Variants in HEMGN observed in about 807,000 individuals in gnomAD.
The protein encoded by HEMGN is hemogen, also known as erythroid differentiation-associated gene protein.
Under a neutral mutation model 45.7 loss-of-function variants are expected in HEMGN, and 32 were observed. The ratio of observed to expected loss-of-function variants is 0.70; its 90% CI spans 0.53 to 0.94. The LOEUF (loss-of-function observed/expected upper bound fraction) is 0.94, where lower values mean the gene tolerates loss of function less well. Ranked by LOEUF, HEMGN falls within the 40% of genes least tolerant of loss-of-function variation. The pLI is 0.00. For synonymous variants in HEMGN, 183 were observed against 178.6 expected, an observed-to-expected ratio of 1.02 and a Z score of -0.20; for missense variants, 530 against 564.2, an observed-to-expected ratio of 0.94 and a Z score of 0.61.
upstream of HEMGN, among the ~76,000 whole-genome samples, chr9:97,942,040 A>G (rs1327948825): frequency 5.9e-5 from 9 of 152,226 alleles, no homozygotes; most frequent in Admixed American, 5.9e-4. Context: ...TTCTCCTTCA[A>G]AAATTGCTAA....
In HEMGN at chr9:97,927,572, A is replaced by G. The variant is rs942828208; in HGVS notation, c.1361-94T>C. 22 of 751,794 alleles carry G rather than the reference A, an allele frequency of 2.9e-5. No individual in the cohort carries two copies. In the African/African-American group the frequency reaches 3.4e-4, roughly 11 times the overall value. 46.6% of individuals were successfully genotyped at this position (751,794 alleles called of 1,614,324 possible). On this transcript the variant is annotated intron_variant, in intron 3 of 3. Transcript: ENST00000616898. ...AGGAAGAAAAACTGCTTTACAACAT[A>G]CACAACAACAAACCGTAGATGGGGT...
intron 2 of HEMGN, among the ~76,000 whole-genome samples, chr9:97,934,584 T>C (rs1384697151): frequency 6.6e-6 from 1 of 151,936 alleles, no homozygotes; most frequent in Non-Finnish European, 1.5e-5. Context: ...GGGAGCTAAT[T>C]GGATAATCTT....
At chr9:97,940,257 C>A (rs1827132202), upstream of HEMGN, among the ~76,000 whole-genome samples, 1 of 152,078 alleles carries the variant, frequency 6.6e-6, no homozygotes, top group Non-Finnish European at 1.5e-5. Context: ...GCCCTGTAGG[C>A]TCATAGAGGA....
rs369622151 is a variant in HEMGN at position 97,930,311 on chromosome 9, C to G, written c.1084G>C (p.Gly362Arg). The G allele has an allele frequency of 5.4e-5, 87 of 1,613,720 alleles. No homozygotes were observed. The highest frequency in any genetic ancestry group is 7.1e-5 in the Non-Finnish European group (84 of 1,179,970). Residue 362 changes from glycine (G) to arginine (R), a missense_variant, in exon 3 of 4, where the codon GGG becomes CGG. Coordinates refer to ENST00000616898, the MANE Select transcript of HEMGN (RefSeq NM_197978.3). ...YSIEINQETP[G>R]SEKYSPETYQ... ...GTTTCAGGTGAATATTTTTCAGACC[C>G]AGGAGTTTCTTGGTTTATTTCAATT...
At chr9:97,940,878 T>G (rs1034719297), upstream of HEMGN, among the ~76,000 whole-genome samples, 2 of 152,076 alleles carry the variant, frequency 1.3e-5, no homozygotes, top group African/African-American at 4.8e-5. Flanking sequence ...GGACAGTAAT[T>G]TATACACTCA....
chr9:97,934,299 AT>A (rs1194935528), intron 2 of HEMGN, among the ~76,000 whole-genome samples: 1 of 151,884 alleles, frequency 6.6e-6, no homozygotes, highest in African/African-American at 2.4e-5. Context: ...GTGAGCCGAG[AT>A]TGTGCCACTG....
chr9:97,933,461 C>T (rs1826994904), intron 2 of HEMGN, among the ~76,000 whole-genome samples: 1 of 152,172 alleles, frequency 6.6e-6, no homozygotes, highest in African/African-American at 2.4e-5. Flanking sequence ...GATAATCAAG[C>T]CATATACATT....
intron 3 of HEMGN, among the ~76,000 whole-genome samples, 189 bp downstream of exon 3, chr9:97,929,846 A>T (rs934705117): frequency 6.6e-6 from 1 of 152,314 alleles, no homozygotes; most frequent in East Asian, 1.9e-4. Context: ...TGCATTTTCA[A>T]TTTTTTTAAC....
chr9:97,943,094 C>T (rs1297297570), upstream of HEMGN, among the ~76,000 whole-genome samples: 1 of 152,132 alleles, frequency 6.6e-6, no homozygotes, highest in Non-Finnish European at 1.5e-5. Context: ...TCAGTTTCTT[C>T]CCTTGTAAAA....
At chr9:97,933,054 G>C in intron 2 of HEMGN, among the ~76,000 whole-genome samples, 1 of 152,074 alleles carries the variant, frequency 6.6e-6, no homozygotes, top group East Asian at 1.9e-4. Context: ...TGTCTTCCCA[G>C]GTAGTTTTTC....
intron 1 of HEMGN, among the ~76,000 whole-genome samples, chr9:97,937,224 T>G (rs955275354): frequency 6.6e-6 from 1 of 152,152 alleles, no homozygotes; most frequent in Non-Finnish European, 1.5e-5. Flanking sequence ...TTTTTTCAAC[T>G]TTTATTTTAA....
intron 1 of HEMGN, among the ~76,000 whole-genome samples, chr9:97,943,735 T>C (rs370322579): frequency 3.9e-5 from 6 of 152,208 alleles, no homozygotes; most frequent in African/African-American, 1.4e-4. Context: ...ACTAGTAATA[T>C]ATTCTCAGTG....
chr9:97,930,800 C>T lies in HEMGN; in HGVS notation c.595G>A (p.Asp199Asn). Reference protein sequence around the residue: ...KICQDMKEPEDNSPNTCQVIS... With the variant: ...KICQDMKEPENNSPNTCQVIS... ...ACTTGGCATGTGTTAGGAGAGTTGTCTTCAGGTTCCTTCATGTCTTGGCAT... is the reference window on the plus strand; with the variant it reads ...ACTTGGCATGTGTTAGGAGAGTTGTTTTCAGGTTCCTTCATGTCTTGGCAT... The change falls in exon 3 of 4, where the codon GAC (aspartate) becomes AAC (asparagine). Residue 199 changes from aspartate to asparagine, a missense_variant. Transcript: ENST00000616898. The T allele has an allele frequency of 6.2e-7, 1 of 1,614,142 alleles. No homozygotes were observed. Among genetic ancestry groups the T allele is most frequent in the Non-Finnish European group, 8.5e-7 (1 of 1,180,014 alleles).
chr9:97,931,118 C>G lies in HEMGN; in HGVS notation c.277G>C (p.Glu93Gln). 1 of 1,614,122 alleles carries G rather than the reference C, an allele frequency of 6.2e-7. No individual in the cohort carries two copies. The highest frequency in any genetic ancestry group is 1.1e-5 in the South Asian group (1 of 91,080). Residue 93 changes from glutamate (E) to glutamine (Q), a missense_variant, in exon 3 of 4, where the codon GAA becomes CAA. By Grantham distance (29) the Glu-to-Gln change is conservative. Coordinates refer to ENST00000616898, the MANE Select transcript of HEMGN (RefSeq NM_197978.3). ...ELKVEPQPQI[E>Q]KEIVEKALAP... is the part of the protein sequence containing the mutation. ...AGTGCTTTCTCCACTATTTCCTTTT[C>G]TATCTGTGGCTGAGGCTCCACCTTC...
At chr9:97,937,344 A>G (rs151102995) in intron 1 of HEMGN, among the ~76,000 whole-genome samples, 1 of 152,142 alleles carries the variant, frequency 6.6e-6, no homozygotes, top group African/African-American at 2.4e-5. Context: ...CCCAGCATCT[A>G]TTATCTATTC....
chr9:97,939,687 A>G (rs947442446), upstream of HEMGN, among the ~76,000 whole-genome samples: 5 of 152,362 alleles, frequency 3.3e-5, no homozygotes, highest in Admixed American at 2.6e-4. Context: ...TCATGTAAAT[A>G]TATTAGAGAA....
chr9:97,933,119 G>T (rs1826988397), intron 2 of HEMGN, among the ~76,000 whole-genome samples: 1 of 152,076 alleles, frequency 6.6e-6, no homozygotes. Flanking sequence ...CTCTCTCATG[G>T]TTGTGGGCAA....
At chr9:97,939,114 A>T (rs1376045731), upstream of HEMGN, among the ~76,000 whole-genome samples, 1 of 152,160 alleles carries the variant, frequency 6.6e-6, no homozygotes, top group Non-Finnish European at 1.5e-5. Flanking sequence ...GGATTAATAT[A>T]TGTGTTCTGG....
At chr9:97,935,124 T>A (rs1797899057) in intron 2 of HEMGN, among the ~76,000 whole-genome samples, 1 of 152,188 alleles carries the variant, frequency 6.6e-6, no homozygotes. Context: ...TTCTTCTGAC[T>A]AGGAAAAAAT....
Sources: allele counts gnomAD v4.1 joint callset (sites outside exome capture counted in the v4.1 genomes callset), GRCh38; gene constraint gnomAD v4.1.1; transcripts MANE v1.5; gene names NCBI Gene and HGNC (gene_info 2026-07-23, HGNC 2026-07-21).